The following ANKS1B variants were observed in gnomAD, a reference collection of about 807,000 sequenced individuals.
ANKS1B encodes ankyrin repeat and sterile alpha motif domain-containing protein 1B.
Under a neutral mutation model 148.3 loss-of-function variants are expected in ANKS1B, and 36 were observed. The ratio of observed to expected loss-of-function variants is 0.24; its 90% CI spans 0.19 to 0.32. The LOEUF (loss-of-function observed/expected upper bound fraction) is 0.32. Among genes scored for constraint, ANKS1B ranks in the 10% least tolerant of loss-of-function variants. The pLI, the probability that ANKS1B is intolerant of heterozygous loss-of-function variation, is 1.00. For missense variants in ANKS1B, 1,157 were observed against 1,542.6 expected (o/e 0.75, Z 4.19); for synonymous variants, 542 against 560.8 (o/e 0.97, Z 0.47).
chr12:98,801,207 C>T lies in ANKS1B; in HGVS notation c.3142-82G>A. 1 of 1,452,418 alleles carries T rather than the reference C, an allele frequency of 6.9e-7. No homozygotes were observed. The highest frequency in any genetic ancestry group is 9.4e-7 in the Non-Finnish European group (1 of 1,065,402). The allele number at this position is 1,452,418 out of a possible 1,614,324, so 90.0% of individuals were successfully genotyped here. ...GTAGCTACCCTGAGCTCACCTTACA[C>T]ACAGGTGCTGTGAATGTACCAAAAT... On this transcript the variant is annotated intron_variant, in intron 20 of 26. Transcript: ENST00000683438. This position sits in a 1 kb window ranked among gnomAD's most constrained non-coding sequence, Gnocchi z 5.2.
rs558701337 is a variant in ANKS1B, at chr12:99,526,470, T to C, written c.1273-21829A>G. 2.0e-5 allele frequency among the ~76,000 whole-genome samples: 3 copies of C among 152,306 alleles called. No homozygotes were observed. In the South Asian group the frequency reaches 6.2e-4, roughly 32 times the overall value. The stretch of plus-strand genomic sequence containing the variant: ...CTAAATGCTGGATATGCTGTATGTT[T>C]CTATTAAATAATAAAATGGGAGTGT... On this transcript the variant is annotated intron_variant, in intron 9 of 26. Coordinates refer to ENST00000683438, the MANE Select transcript of ANKS1B (RefSeq NM_001352186.2).
intron 17 of ANKS1B, among the ~76,000 whole-genome samples, chr12:98,879,263 T>C (rs1034269681): frequency 2.0e-5 from 3 of 152,244 alleles, no homozygotes; most frequent in African/African-American, 7.2e-5. Context: ...GTCAGAGGGC[T>C]ATCCATCTAT....
At chr12:99,670,534 A>G (rs1362462029) in intron 8 of ANKS1B, among the ~76,000 whole-genome samples, 1 of 152,142 alleles carries the variant, frequency 6.6e-6, no homozygotes, top group Non-Finnish European at 1.5e-5. Flanking sequence ...ATTAAAAACT[A>G]CTGTCTACAA....
chr12:98,986,974 C>A lies in ANKS1B; in HGVS notation c.2778+66183G>T, dbSNP rs2177304. The stretch of plus-strand genomic sequence containing the variant: ...TGAAGCCCATGTCTAATATTTTTAC[C>A]TGGGCCATTCTTAAGTATAATTTTT... On this transcript the variant is annotated intron_variant, in intron 17 of 26. Transcript: ENST00000683438. Among the ~76,000 whole-genome samples the A allele has an allele frequency of 9.1e-4, 139 of 151,976 alleles. 1 individual carries two copies. The highest frequency in any genetic ancestry group is 3.2e-3 in the African/African-American group (132 of 41,438).
intron 17 of ANKS1B, among the ~76,000 whole-genome samples, chr12:98,995,716 G>C: frequency 6.6e-6 from 1 of 152,204 alleles, no homozygotes; most frequent in East Asian, 1.9e-4. Context: ...TGGAATGAAA[G>C]GCAGTGATCC....
At chr12:99,733,915 G>A (rs1037433880) in intron 8 of ANKS1B, among the ~76,000 whole-genome samples, 31 of 152,226 alleles carry the variant, frequency 2.0e-4, no homozygotes, top group South Asian at 1.5e-3. Flanking sequence ...AGAAAAGTAC[G>A]CTGCCTTGAC....
chr12:99,671,096 A>G (rs186382407), intron 8 of ANKS1B, among the ~76,000 whole-genome samples: 179 of 152,300 alleles, frequency 1.2e-3, no homozygotes, highest in Non-Finnish European at 2.1e-3. Flanking sequence ...GGACAACTCA[A>G]TCTATTGTTT....
At chr12:99,812,424 A>G in intron 2 of ANKS1B, 113 bp from the exon 3 acceptor site, 1 of 1,179,964 alleles carries the variant, frequency 8.5e-7, no homozygotes, top group South Asian at 1.6e-5. Context: ...TAATCATTCA[A>G]GGTACTAAGA....
chr12:98,875,317 A>C (rs2099685641), intron 17 of ANKS1B, among the ~76,000 whole-genome samples: 1 of 152,208 alleles, frequency 6.6e-6, no homozygotes, highest in Non-Finnish European at 1.5e-5. Context: ...AAAGCTGACC[A>C]TGTAAATTCT....
At position 99,424,648 on chromosome 12, in the gene ANKS1B, T is replaced by C. The variant is rs11611471; in HGVS notation, c.1575+19025A>G. Reference sequence around the variant, plus strand: ...ACACACACACACACACACACACACATACACACACACACCCATAAGGAAAAT... The same window carrying C: ...ACACACACACACACACACACACACACACACACACACACCCATAAGGAAAAT... On this transcript the variant is annotated intron_variant, in intron 11 of 26. Transcript: ENST00000683438. 4.7e-3 allele frequency among the ~76,000 whole-genome samples: 667 copies of C among 141,218 alleles called. 4 individuals carry two copies. Among genetic ancestry groups the C allele is most frequent in the African/African-American group, 0.016 (595 of 36,642 alleles). 92.6% of individuals were successfully genotyped at this position (141,218 alleles called of 152,430 possible).
intron 1 of ANKS1B, among the ~76,000 whole-genome samples, chr12:99,836,885 C>T (rs2084936376): frequency 6.6e-6 from 1 of 152,122 alleles, no homozygotes; most frequent in African/African-American, 2.4e-5. Flanking sequence ...ACATTCTCTT[C>T]ATAGGTAACA....
At chr12:99,882,335 T>C (rs1405483753) in intron 1 of ANKS1B, among the ~76,000 whole-genome samples, 2 of 152,012 alleles carry the variant, frequency 1.3e-5, no homozygotes, top group Non-Finnish European at 2.9e-5. Context: ...AGAGAGAGTA[T>C]AGTACAAAGA....
At chr12:99,011,649 T>C (rs2099939502) in intron 17 of ANKS1B, among the ~76,000 whole-genome samples, 1 of 152,216 alleles carries the variant, frequency 6.6e-6, no homozygotes. Context: ...TCTGCTATGA[T>C]GCAACATATA....
At chr12:99,472,273 TCTC>T (rs2096253570) in intron 10 of ANKS1B, among the ~76,000 whole-genome samples, 1 of 152,122 alleles carries the variant, frequency 6.6e-6, no homozygotes, top group African/African-American at 2.4e-5. Context: ...TGCAGCGTCT[TCTC>T]TGGCTCGGTC....
At chr12:99,175,677 A>C (rs1023225153) in intron 14 of ANKS1B, among the ~76,000 whole-genome samples, 4 of 152,152 alleles carry the variant, frequency 2.6e-5, no homozygotes, top group Non-Finnish European at 5.9e-5. Context: ...ACAGGAAAAA[A>C]TAATGTGTTC....
chr12:99,686,766 T>C (rs769639366), intron 8 of ANKS1B, among the ~76,000 whole-genome samples: 1 of 152,288 alleles, frequency 6.6e-6, no homozygotes, highest in African/African-American at 2.4e-5. Context: ...TTTCCTCCTA[T>C]CATTTTTGTG....
intron 1 of ANKS1B, among the ~76,000 whole-genome samples, chr12:99,941,030 G>A (rs535591615): frequency 2.6e-5 from 4 of 152,224 alleles, no homozygotes; most frequent in South Asian, 2.1e-4. Flanking sequence ...AGTTCTGAGA[G>A]GGCTGAGACT....
intron 12 of ANKS1B, among the ~76,000 whole-genome samples, chr12:99,369,738 A>G (rs1025297425): frequency 3.4e-5 from 5 of 146,776 alleles, no homozygotes; most frequent in African/African-American, 1.0e-4. Context: ...AGATAGATAA[A>G]TGGATAGAAA....
At chr12:99,223,011 T>A (rs534117493) in intron 14 of ANKS1B, among the ~76,000 whole-genome samples, 52 of 152,334 alleles carry the variant, frequency 3.4e-4, no homozygotes, top group South Asian at 1.2e-3. Flanking sequence ...TACATACACA[T>A]GTATATGTGT....
Sources: allele counts gnomAD v4.1 joint callset (sites outside exome capture counted in the v4.1 genomes callset), GRCh38; gene constraint gnomAD v4.1.1; non-coding constraint Gnocchi (gnomAD v3.1); transcripts MANE v1.5; gene names NCBI Gene and HGNC (gene_info 2026-07-23, HGNC 2026-07-21).